The following CADM2 variants were observed in gnomAD, a reference collection of about 807,000 sequenced individuals.
CADM2 encodes immunoglobulin superfamily member 4D.
Under a neutral mutation model 49.8 loss-of-function variants are expected in CADM2, and 12 were observed. The observed-to-expected ratio is 0.24, with a 90% confidence interval of 0.15 to 0.39. The LOEUF is 0.39. Among genes scored for constraint, CADM2 ranks in the 10% least tolerant of loss-of-function variants. The probability of loss-of-function intolerance (pLI) is 1.00; values close to 1 mark genes in which losing one functional copy is unlikely to be tolerated. For synonymous variants in CADM2, 214 were observed against 175.4 expected, an observed-to-expected ratio of 1.22 and a Z score of -1.74; for missense variants, 378 against 492.3, an observed-to-expected ratio of 0.77 and a Z score of 2.20.
At chr3:85,799,207 C>G (rs1214129043) in intron 2 of CADM2, among the ~76,000 whole-genome samples, 1 of 152,174 alleles carries the variant, frequency 6.6e-6, no homozygotes, top group Non-Finnish European at 1.5e-5. Flanking sequence ...ACAATCATGT[C>G]ATCTGCAAAC....
chr3:85,652,738 G>GCATA (rs987796842), intron 1 of CADM2, among the ~76,000 whole-genome samples: 14 of 140,908 alleles, frequency 9.9e-5, no homozygotes, highest in Admixed American at 2.2e-4. Flanking sequence ...ATGCCAATGT[G>GCATA]CATACAAATA....
intron 6 of CADM2, among the ~76,000 whole-genome samples, chr3:85,934,483 C>A (rs955372351): frequency 5.3e-5 from 8 of 151,652 alleles, no homozygotes; most frequent in Non-Finnish European, 8.8e-5. Flanking sequence ...ATTAATTTTT[C>A]TTCCTAAGTC....
At chr3:85,541,700 T>TTA (rs2061541176) in intron 1 of CADM2, among the ~76,000 whole-genome samples, 1 of 141,664 alleles carries the variant, frequency 7.1e-6, no homozygotes, top group African/African-American at 2.6e-5. Flanking sequence ...GGGAATTAAA[T>TTA]TATATATATA....
chr3:86,031,923 A>C (rs1266940564), intron 8 of CADM2, among the ~76,000 whole-genome samples: 1 of 151,726 alleles, frequency 6.6e-6, no homozygotes, highest in East Asian at 1.9e-4. Flanking sequence ...ACAGAGAACT[A>C]ATTGGGGACA....
At chr3:85,356,803 A>C (rs898857290) in intron 1 of CADM2, among the ~76,000 whole-genome samples, 1 of 152,120 alleles carries the variant, frequency 6.6e-6, no homozygotes, top group Non-Finnish European at 1.5e-5. Context: ...AAGAGCTGTA[A>C]AGCAGCACCT....
chr3:85,085,271 G>A (rs1435247989), intron 1 of CADM2, among the ~76,000 whole-genome samples: 3 of 151,776 alleles, frequency 2.0e-5, no homozygotes, highest in African/African-American at 4.8e-5. Context: ...TCTATGAGTT[G>A]GACTCTTTCA....
intron 1 of CADM2, among the ~76,000 whole-genome samples, chr3:85,283,248 C>A (rs1179447848): frequency 6.6e-6 from 1 of 151,612 alleles, no homozygotes; most frequent in Non-Finnish European, 1.5e-5. Context: ...CTTATTATTT[C>A]TAACTTTTAT....
At chr3:85,920,043 G>A (rs182219534) in intron 6 of CADM2, among the ~76,000 whole-genome samples, 72 of 151,802 alleles carry the variant, frequency 4.7e-4, no homozygotes, top group African/African-American at 1.5e-3. Context: ...ACACAAACCC[G>A]TACGTTTCTC....
intron 4 of CADM2, among the ~76,000 whole-genome samples, chr3:85,885,804 A>G (rs563591414): frequency 6.8e-6 from 1 of 146,566 alleles, no homozygotes; most frequent in South Asian, 2.2e-4. Flanking sequence ...GTGAGCCGAG[A>G]TCGAGCCAGT....
intron 4 of CADM2, among the ~76,000 whole-genome samples, chr3:85,884,887 G>T (rs1456911678): frequency 3.0e-5 from 3 of 99,790 alleles, no homozygotes; most frequent in African/African-American, 1.1e-4. Context: ...ACCACGCCTG[G>T]CTAATTTTTT....
intron 3 of CADM2, among the ~76,000 whole-genome samples, chr3:85,812,296 C>T (rs1050184158): frequency 5.9e-5 from 9 of 151,802 alleles, no homozygotes; most frequent in East Asian, 1.9e-4. Context: ...AAAAATAATT[C>T]GACTTGAAAA....
chr3:85,582,453 CTTAG>C (rs999703273), intron 1 of CADM2, among the ~76,000 whole-genome samples: 15 of 152,258 alleles, frequency 9.9e-5, no homozygotes, highest in East Asian at 7.7e-4. Context: ...TGAGTACTGT[CTTAG>C]TTAGCGCAGG....
intron 2 of CADM2, among the ~76,000 whole-genome samples, chr3:85,731,474 C>T (rs1257726527): frequency 6.6e-6 from 1 of 152,074 alleles, no homozygotes; most frequent in East Asian, 1.9e-4. Context: ...GGGAATGGAA[C>T]ACAGTGAGCA....
At chr3:85,359,177 C>A (rs2032120475) in intron 1 of CADM2, among the ~76,000 whole-genome samples, 1 of 152,044 alleles carries the variant, frequency 6.6e-6, no homozygotes, top group Admixed American at 6.6e-5. Context: ...TGCAAATGAG[C>A]ATATTTCCCT....
At chr3:86,029,661 C>T (rs966342502) in intron 8 of CADM2, among the ~76,000 whole-genome samples, 1 of 151,866 alleles carries the variant, frequency 6.6e-6, no homozygotes, top group African/African-American at 2.4e-5. Context: ...ACTTACTCAC[C>T]ATCCCTCAGC....
intron 1 of CADM2, among the ~76,000 whole-genome samples, chr3:85,014,807 C>G (rs1226609085): frequency 1.3e-5 from 2 of 152,152 alleles, no homozygotes; most frequent in East Asian, 1.9e-4. Context: ...AATTACATAC[C>G]ATCAATGTTT....
rs1553743641 is a variant in CADM2, at chr3:85,568,514, TCCTC to T, written c.62-157995_62-157992del. Among the ~76,000 whole-genome samples, 954 of 129,446 alleles carry T rather than the reference TCCTC, an allele frequency of 7.4e-3. 120 individuals carry two copies. Among genetic ancestry groups the T allele is most frequent in the African/African-American group, 0.035 (880 of 25,446 alleles). 84.9% of individuals were successfully genotyped at this position (129,446 alleles called of 152,430 possible). A position where few individuals can be genotyped will look rare whatever the true frequency, so the allele number is the denominator to read the frequency against. ...TTCTTTCTTTCTTTCTTTCTTTCTT[TCCTC>T]CCTCCCTCCCTCTCTCTTTTCTTTC... On this transcript the variant is annotated intron_variant, in intron 1 of 9. Transcript: ENST00000383699.
chr3:85,516,189 T>C (rs1012506094), intron 1 of CADM2, among the ~76,000 whole-genome samples: 1 of 152,174 alleles, frequency 6.6e-6, no homozygotes, highest in African/African-American at 2.4e-5. Flanking sequence ...AGTTGAAAGT[T>C]CTCCTAATGC....
chr3:85,323,950 T>A (rs1319048111), intron 1 of CADM2, among the ~76,000 whole-genome samples: 1 of 152,156 alleles, frequency 6.6e-6, no homozygotes, highest in East Asian at 1.9e-4. Flanking sequence ...TGAGGGCACC[T>A]TACGAATCAA....
Sources: allele counts gnomAD v4.1 joint callset (sites outside exome capture counted in the v4.1 genomes callset), GRCh38; gene constraint gnomAD v4.1.1; transcripts MANE v1.5; gene names NCBI Gene and HGNC (gene_info 2026-07-23, HGNC 2026-07-21).